The following UGT1A5 variants were observed in gnomAD, a reference collection of about 807,000 sequenced individuals.
UGT1A5 encodes the protein UDP glucuronosyltransferase family 1 member A5, also known as UDP-glucuronosyltransferase 1A5.
In UGT1A5, 29 loss-of-function variants were observed where a neutral mutation model predicts 40.3. That is an observed-to-expected ratio of 0.72 (90% CI 0.54 to 0.98). The LOEUF (loss-of-function observed/expected upper bound fraction) is 0.98. Ranked by LOEUF, UGT1A5 falls within the 50% of genes least tolerant of loss-of-function variation. The pLI is 0.00. For synonymous variants in UGT1A5, 257 were observed against 262.5 expected (o/e 0.98, Z 0.20); for missense variants, 678 against 677.9 (o/e 1.00, Z 0.00).
Position 233,772,534 on chromosome 2 carries a change from A to T in UGT1A5, c.1580A>T (p.Lys527Ile). 6.2e-7 allele frequency: 1 copy of T among 1,614,216 alleles called. No homozygotes were observed. Among genetic ancestry groups the T allele is most frequent in the South Asian group, 1.1e-5 (1 of 91,086 alleles). The change falls in exon 5 of 5, where the codon AAA becomes ATA. Residue 527 changes from lysine to isoleucine, a missense_variant. Lys to Ile is a moderately radical substitution (Grantham distance 102). Transcript: ENST00000373414. The stretch of plus-strand genomic sequence containing the variant: ...TTGGGGAAAAAAGGGCGAGTTAAGA[A>T]AGCCCACAAATCCAAGACCCATTGA... ...KCLGKKGRVK[K>I]AHKSKTH
chr2:233,745,803 A>G (rs11695484), intron 1 of UGT1A5, among the ~76,000 whole-genome samples: 45,405 of 150,528 alleles, frequency 0.3, 7,175 homozygotes, highest in South Asian at 0.39. Flanking sequence ...GGTCTATCCC[A>G]GAGTTTTGAG....
intron 1 of UGT1A5, among the ~76,000 whole-genome samples, chr2:233,748,667 G>T (rs899453782): frequency 7.9e-5 from 12 of 151,802 alleles, no homozygotes; most frequent in Middle Eastern, 3.4e-3. Flanking sequence ...TTTCCAGAGA[G>T]GGATCTGTGC....
chr2:233,742,999 C>A, intron 1 of UGT1A5: 1 of 234,266 alleles, frequency 4.3e-6, no homozygotes, highest in Non-Finnish European at 8.5e-6. Context: ...AAATTGCATA[C>A]AGATATTTTA....
At chr2:233,759,585 G>C in intron 1 of UGT1A5, among the ~76,000 whole-genome samples, 1 of 148,700 alleles carries the variant, frequency 6.7e-6, no homozygotes, top group Non-Finnish European at 1.5e-5. Context: ...ACCCCAGCAC[G>C]CCCCCCACCC....
intron 1 of UGT1A5, among the ~76,000 whole-genome samples, chr2:233,737,484 A>G (rs561393011): frequency 6.6e-6 from 1 of 152,316 alleles, no homozygotes; most frequent in East Asian, 1.9e-4. Context: ...TGTCTAGGAA[A>G]GGGAAATCCC....
chr2:233,759,500 C>G (rs1243042735), intron 1 of UGT1A5, among the ~76,000 whole-genome samples: 1 of 152,164 alleles, frequency 6.6e-6, no homozygotes, highest in Non-Finnish European at 1.5e-5. Flanking sequence ...CAGGTTCACA[C>G]TAATAAAGGC....
At position 233,712,962 on chromosome 2, in the gene UGT1A5, G is replaced by C; in HGVS notation, c.-30G>C. 6.2e-7 allele frequency: 1 copy of C among 1,612,880 alleles called. No individual in the cohort carries two copies. Among genetic ancestry groups the C allele is most frequent in the Non-Finnish European group, 8.5e-7 (1 of 1,180,026 alleles). ...ATTCTAGGAGGCACAACGTGGGGTG[G>C]ACAGTCAGCTGTCGGTGGCTTCTGC... On this transcript the variant is annotated 5_prime_UTR_variant, in exon 1 of 5. Transcript: ENST00000373414.
At chr2:233,725,317 C>CAGAG (rs1559370683) in intron 1 of UGT1A5, among the ~76,000 whole-genome samples, 1 of 37,458 alleles carries the variant, frequency 2.7e-5, no homozygotes. Context: ...GAGGCAGAGG[C>CAGAG]GCCTGGTCAA....
In UGT1A5 at chr2:233,768,537, T is replaced by C; in HGVS notation, c.1307+98T>C. ...TTACGTAGCATTTAATAGCGTTGTT[T>C]CAAATATAAAAACAAATACATAAAA... On this transcript the variant is annotated intron_variant, in intron 4 of 4. Transcript: ENST00000373414. 2.0e-6 allele frequency: 3 copies of C among 1,499,906 alleles called. No individual in the cohort carries two copies. The South Asian group carries it at 4.0e-5, about 20-fold the overall frequency. The allele number at this position is 1,499,906 out of a possible 1,614,324, so 92.9% of individuals were successfully genotyped here.
At chr2:233,736,129 C>T (rs1342525858) in intron 1 of UGT1A5, among the ~76,000 whole-genome samples, 3 of 152,224 alleles carry the variant, frequency 2.0e-5, no homozygotes, top group South Asian at 2.1e-4. Flanking sequence ...CCATTCTCCG[C>T]ATCACTTTCA....
chr2:233,747,319 A>G (rs867833419), intron 1 of UGT1A5: 39 of 1,603,648 alleles, frequency 2.4e-5, no homozygotes, highest in Middle Eastern at 3.3e-4. Context: ...GGTGGTACCC[A>G]TTGATGGCAG....
Position 233,713,735 on chromosome 2 carries a change from T to C in UGT1A5, c.744T>C (p.Leu248=). The change falls in exon 1 of 5, where the codon CTT becomes CTC. Residue 248 remains leucine, a synonymous_variant. Transcript: ENST00000373414. ...LFQREVSVVD[L]VSHASVWLFR... is the part of the protein sequence containing the mutation. ...AGAGAGAGGTGTCAGTGGTGGATCT[T>C]GTCAGCCATGCATCTGTGTGGCTGT... The C allele has an allele frequency of 6.2e-7, 1 of 1,613,944 alleles. No homozygotes were observed. Among genetic ancestry groups the C allele is most frequent in the African/African-American group, 1.3e-5 (1 of 75,022 alleles).
At chr2:233,766,576 G>A (rs983735374) in intron 1 of UGT1A5, among the ~76,000 whole-genome samples, 1 of 152,162 alleles carries the variant, frequency 6.6e-6, no homozygotes, top group Non-Finnish European at 1.5e-5. Flanking sequence ...GCACAGGTCT[G>A]GGGGTGGAGC....
At chr2:233,746,247 A>C (rs939163155) in intron 1 of UGT1A5, among the ~76,000 whole-genome samples, 2 of 151,776 alleles carry the variant, frequency 1.3e-5, no homozygotes, top group Admixed American at 6.6e-5. Flanking sequence ...AAAAGATACA[A>C]GGCAGAACAG....
intron 1 of UGT1A5, chr2:233,747,345 C>A (rs905208353): frequency 6.2e-7 from 1 of 1,602,546 alleles, no homozygotes; most frequent in South Asian, 1.1e-5. Flanking sequence ...GGCTCGCATG[C>A]GGGAGGCCGT....
intron 1 of UGT1A5, chr2:233,761,300 G>A (rs2125991152): frequency 6.7e-7 from 1 of 1,496,402 alleles, no homozygotes; most frequent in Non-Finnish European, 9.1e-7. Flanking sequence ...CTAGGTTTGA[G>A]TCTGTCTTTG....
intron 1 of UGT1A5, among the ~76,000 whole-genome samples, chr2:233,733,533 G>T (rs184573517): frequency 6.6e-6 from 1 of 152,150 alleles, no homozygotes; most frequent in African/African-American, 2.4e-5. Flanking sequence ...GTTTAATTTT[G>T]TTGAAGGCCT....
intron 1 of UGT1A5, among the ~76,000 whole-genome samples, chr2:233,728,304 C>A (rs2077697138): frequency 1.3e-5 from 2 of 152,312 alleles, no homozygotes; most frequent in African/African-American, 4.8e-5. Context: ...TCAGACTGTG[C>A]AAGATCTGAG....
chr2:233,732,755 G>GA (rs1553614027), intron 1 of UGT1A5, among the ~76,000 whole-genome samples: 1 of 120,226 alleles, frequency 8.3e-6, no homozygotes, highest in Non-Finnish European at 1.8e-5. Flanking sequence ...CACCAGCTTT[G>GA]TTTTTTTTTT....
Sources: gnomAD v4.1 joint callset for allele counts (sites outside exome capture counted in the v4.1 genomes callset) on GRCh38, gnomAD v4.1.1 for gene constraint, MANE v1.5 for transcripts, NCBI Gene and HGNC (gene_info 2026-07-23, HGNC 2026-07-21) for gene names.